Variants in HNRNPC observed in about 807,000 individuals in gnomAD.
HNRNPC encodes heterogeneous nuclear ribonucleoprotein C.
A neutral mutation model predicts 33.2 loss-of-function variants in HNRNPC; 3 were observed. The ratio of observed to expected loss-of-function variants is 0.09; its 90% CI spans 0.04 to 0.23. The LOEUF is 0.23. HNRNPC is among the 10% of genes least tolerant of loss of function. HNRNPC has a pLI of 1.00. For synonymous variants in HNRNPC, 121 were observed against 126.7 expected (o/e 0.96, Z 0.30); for missense variants, 143 against 366.7 (o/e 0.39, Z 4.98).
At chr14:21,219,166 T>C (rs976002621) in intron 5 of HNRNPC, among the ~76,000 whole-genome samples, 16 of 150,376 alleles carry the variant, frequency 1.1e-4, no homozygotes, top group African/African-American at 3.2e-4. Flanking sequence ...ATTTTTAAAA[T>C]TCTCATTTTA....
intron 1 of HNRNPC, among the ~76,000 whole-genome samples, chr14:21,267,890 G>C (rs1209290605): frequency 2.0e-5 from 3 of 152,044 alleles, no homozygotes; most frequent in African/African-American, 7.2e-5. Flanking sequence ...ATTTCTAACA[G>C]TTCAGCACAA....
At chr14:21,251,592 G>A (rs1424071000) in intron 2 of HNRNPC, among the ~76,000 whole-genome samples, 1 of 152,004 alleles carries the variant, frequency 6.6e-6, no homozygotes, top group African/African-American at 2.4e-5. Flanking sequence ...TGAGGCAGGA[G>A]AACTGCTTGA....
chr14:21,255,600 A>G (rs1260909373), intron 2 of HNRNPC, among the ~76,000 whole-genome samples: 3 of 152,228 alleles, frequency 2.0e-5, no homozygotes. Context: ...ATGCCCACAC[A>G]GAATCACAAG....
intron 2 of HNRNPC, among the ~76,000 whole-genome samples, chr14:21,243,720 C>G (rs751805637): frequency 1.4e-4 from 22 of 152,100 alleles, no homozygotes; most frequent in South Asian, 4.1e-4. Context: ...ATTCATTAAT[C>G]AACTGAGGAT....
chr14:21,242,784 T>C (rs993967310), intron 2 of HNRNPC, among the ~76,000 whole-genome samples: 1 of 152,214 alleles, frequency 6.6e-6, no homozygotes, highest in African/African-American at 2.4e-5. Context: ...CTACGCATTA[T>C]TCTCACCAAG....
chr14:21,258,713 A>G (rs1198924088), intron 2 of HNRNPC, among the ~76,000 whole-genome samples: 1 of 152,198 alleles, frequency 6.6e-6, no homozygotes, highest in Non-Finnish European at 1.5e-5. Flanking sequence ...GAAAGCCATT[A>G]TATGACCCAA....
At chr14:21,261,691 T>C (rs1878277229) in intron 2 of HNRNPC, among the ~76,000 whole-genome samples, 1 of 151,558 alleles carries the variant, frequency 6.6e-6, no homozygotes, top group African/African-American at 2.4e-5. Flanking sequence ...AGCCCAGGAG[T>C]TCAAGACCAG....
chr14:21,260,820 G>A (rs536642614), intron 2 of HNRNPC, among the ~76,000 whole-genome samples: 34 of 152,054 alleles, frequency 2.2e-4, no homozygotes, highest in African/African-American at 6.0e-4. Flanking sequence ...GAAATTAGCC[G>A]TGCATGGTGG....
At chr14:21,215,409 C>A (rs894757616) in intron 5 of HNRNPC, among the ~76,000 whole-genome samples, 1 of 152,186 alleles carries the variant, frequency 6.6e-6, no homozygotes, top group Non-Finnish European at 1.5e-5. Flanking sequence ...GAAAGCTATA[C>A]AATAGATGAG....
chr14:21,242,338 G>C (rs1330896839), intron 2 of HNRNPC, among the ~76,000 whole-genome samples: 1 of 152,086 alleles, frequency 6.6e-6, no homozygotes, highest in African/African-American at 2.4e-5. Flanking sequence ...CTAAAAATTA[G>C]CTGGGCGTGA....
intron 5 of HNRNPC, among the ~76,000 whole-genome samples, chr14:21,220,465 G>A (rs369110174): frequency 6.6e-6 from 1 of 152,284 alleles, no homozygotes; most frequent in East Asian, 1.9e-4. Context: ...CTGACCCCAG[G>A]TGATCCGCTC....
intron 2 of HNRNPC, among the ~76,000 whole-genome samples, chr14:21,251,085 C>T (rs936970630): frequency 1.3e-5 from 2 of 151,676 alleles, no homozygotes; most frequent in Non-Finnish European, 2.9e-5. Context: ...CATGGTGAAA[C>T]CCCATCTCTA....
intron 2 of HNRNPC, among the ~76,000 whole-genome samples, chr14:21,261,685 C>T (rs1480976638): frequency 6.6e-6 from 1 of 152,076 alleles, no homozygotes. Flanking sequence ...CGCTTGAGCC[C>T]AGGAGTTCAA....
Position 21,225,956 on chromosome 14 carries a change from G to A in HNRNPC, c.365+4363C>T, listed in dbSNP as rs966013337. Among the ~76,000 whole-genome samples, 12 of 152,070 alleles carry A rather than the reference G, an allele frequency of 7.9e-5. 1 individual carries two copies. The highest frequency in any genetic ancestry group is 2.9e-4 in the African/African-American group (12 of 41,352). On this transcript the variant is annotated intron_variant, in intron 5 of 8. Coordinates refer to ENST00000553300, the MANE Select transcript of HNRNPC (RefSeq NM_004500.4). Reference sequence around the variant, plus strand: ...TTAGTATGAAAACACTGCAGTATTTGTGGCACAAATCAGAAAACACATATA... The same window carrying A: ...TTAGTATGAAAACACTGCAGTATTTATGGCACAAATCAGAAAACACATATA...
At chr14:21,223,398 T>G (rs1893058592) in intron 5 of HNRNPC, among the ~76,000 whole-genome samples, 1 of 151,768 alleles carries the variant, frequency 6.6e-6, no homozygotes, top group Non-Finnish European at 1.5e-5. Context: ...ACTAAACGAG[T>G]CTAGGACACA....
chr14:21,242,818 G>A (rs1268153640), intron 2 of HNRNPC, among the ~76,000 whole-genome samples: 1 of 152,114 alleles, frequency 6.6e-6, no homozygotes, highest in Non-Finnish European at 1.5e-5. Flanking sequence ...ATCTATATAT[G>A]GGGGAAACAA....
At chr14:21,251,496 C>T (rs147158391) in intron 2 of HNRNPC, among the ~76,000 whole-genome samples, 5 of 151,830 alleles carry the variant, frequency 3.3e-5, no homozygotes, top group African/African-American at 9.7e-5. Flanking sequence ...CTGGCCTACA[C>T]GGTGAAACCC....
At chr14:21,248,157 C>T (rs911187140) in intron 2 of HNRNPC, among the ~76,000 whole-genome samples, 19 of 152,016 alleles carry the variant, frequency 1.2e-4, no homozygotes, top group African/African-American at 4.4e-4. Context: ...TGGCCAACAA[C>T]GTAAGCAAGA....
At chr14:21,228,647 CTCACAAA>C (rs1318980140) in intron 5 of HNRNPC, among the ~76,000 whole-genome samples, 1 of 152,018 alleles carries the variant, frequency 6.6e-6, no homozygotes, top group Non-Finnish European at 1.5e-5. Flanking sequence ...CTGCCTTGGC[CTCACAAA>C]GTGCTGAGAT....
Sources: gnomAD v4.1 joint callset for allele counts (sites outside exome capture counted in the v4.1 genomes callset) on GRCh38, gnomAD v4.1.1 for gene constraint, MANE v1.5 for transcripts, NCBI Gene and HGNC (gene_info 2026-07-23, HGNC 2026-07-21) for gene names.